MYO7A: variants seen among roughly 807,000 people sequenced by gnomAD.
MYO7A encodes unconventional myosin-VIIa.
Under a neutral mutation model 263.8 loss-of-function variants are expected in MYO7A, and 210 were observed. The observed-to-expected ratio is 0.80, with a 90% CI of 0.71 to 0.89. The LOEUF (loss-of-function observed/expected upper bound fraction) is 0.89. Ranked by LOEUF, MYO7A falls within the 40% of genes least tolerant of loss-of-function variation. MYO7A has a pLI of 0.00. For missense variants in MYO7A, 2,820 were observed against 2,968.3 expected (o/e 0.95, Z 1.16); for synonymous variants, 1,239 against 1,197.3 (o/e 1.03, Z -0.72).
chr11:77,197,497 G>A lies in MYO7A; in HGVS notation c.4340G>A (p.Arg1447Lys), dbSNP rs1203837704. Residue 1447 changes from arginine (R) to lysine (K), a missense_variant, in exon 33 of 49, where the codon AGG becomes AAG. Physicochemically the swap from Arg to Lys is conservative, Grantham distance 26 (BLOSUM62 2). Coordinates refer to ENST00000409709, the MANE Select transcript of MYO7A (RefSeq NM_000260.4). ...AAHKKGIYAQ[R>K]RTDAQKVKED... ...TCCTTCCAGGGGATTTATGCCCAGA[G>A]GAGAACTGATGCCCAGAAGGTCAAA... The A allele has an allele frequency of 1.9e-6, 3 of 1,602,186 alleles. No individual in the cohort carries two copies. Among genetic ancestry groups the A allele is most frequent in the Middle Eastern group, 1.6e-4 (1 of 6,074 alleles).
chr11:77,191,598 G>A (rs180764065), intron 30 of MYO7A, among the ~76,000 whole-genome samples: 68 of 152,314 alleles, frequency 4.5e-4, no homozygotes, highest in Non-Finnish European at 7.9e-4. Flanking sequence ...TGGGCGTCCC[G>A]CAGACTCACC....
chr11:77,212,329 C>T, intron 46 of MYO7A: 2 of 377,528 alleles, frequency 5.3e-6, no homozygotes, highest in Non-Finnish European at 1.0e-5. Flanking sequence ...TGGCAGGGGT[C>T]CCACATAGAC....
intron 25 of MYO7A, 42 bp downstream of exon 25, chr11:77,182,642 G>T (rs762176641): frequency 6.2e-7 from 1 of 1,603,094 alleles, no homozygotes; most frequent in Non-Finnish European, 8.5e-7. Flanking sequence ...CTCCCAGGCC[G>T]ACAAGGAGGG....
At chr11:77,142,904 C>T (rs186507057) in intron 3 of MYO7A, 82 bp downstream of exon 3, 489 of 1,185,930 alleles carry the variant, frequency 4.1e-4, no homozygotes, top group African/African-American at 8.7e-4. Context: ...GGGAGATGAT[C>T]GAAAGGAGAT....
Position 77,138,144 on chromosome 11 carries a change from G to A in MYO7A, c.19-4565G>A, listed in dbSNP as rs1555048359. 6.6e-6 allele frequency among the ~76,000 whole-genome samples: 1 copy of A among 152,122 alleles called. No homozygotes were observed. The highest frequency in any genetic ancestry group is 2.4e-5 in the African/African-American group (1 of 41,446). ...GTTCGGCCGAGACGGAGGGGGCCGG[G>A]GTGGCGCGGGCGCCCCCTCGCCGTC... is the stretch of plus-strand genomic sequence containing the variant. On this transcript the variant is annotated intron_variant, in intron 2 of 48. Coordinates refer to ENST00000409709, the MANE Select transcript of MYO7A (RefSeq NM_000260.4). The surrounding 1 kb of genome is among the most constrained non-coding windows in gnomAD (Gnocchi z 4.9).
chr11:77,194,423 C>A lies in MYO7A; in HGVS notation c.4222C>A (p.Arg1408Ser), dbSNP rs377391891. The A allele has an allele frequency of 6.2e-7, 1 of 1,612,172 alleles. No individual in the cohort carries two copies. The highest frequency in any genetic ancestry group is 8.5e-7 in the Non-Finnish European group (1 of 1,179,182). ...CTATGGCTCTGAGATGATCCTGGAG[C>A]GCCTCCTGAACCTCGTGCCCACCTA... Reference protein sequence around the residue: ...VDYGSEMILERLLNLVPTYIP... With the variant: ...VDYGSEMILESLLNLVPTYIP... Residue 1408 changes from arginine (R) to serine (S), a missense_variant, in exon 32 of 49, where the codon CGC becomes AGC. Physicochemically the swap from Arg to Ser is moderately radical, Grantham distance 110. Transcript: ENST00000409709.
chr11:77,155,817 G>C (rs1434700669), intron 4 of MYO7A, 90 bp from the exon 5 acceptor site: 2 of 1,354,290 alleles, frequency 1.5e-6, no homozygotes, highest in East Asian at 2.5e-5. Context: ...TTCCCTCCAG[G>C]GTGCTGGAGC....
Position 77,181,571 on chromosome 11 carries a change from G to C in MYO7A, c.2886G>C (p.Gln962His), listed in dbSNP as rs200641606. ...GTGGCCTGCCAGGCCAGGAGGGCCA[G>C]GCACCTAGTGGCTTTGAGGTACCAG... ...TSGGLPGQEGQAPSGFEDLER... is the reference protein window; with the variant it reads ...TSGGLPGQEGHAPSGFEDLER... The change falls in exon 23 of 49, where the codon CAG becomes CAC. Residue 962 changes from glutamine to histidine, a missense_variant. By Grantham distance (24) the Gln-to-His change is conservative. Coordinates refer to ENST00000409709, the MANE Select transcript of MYO7A (RefSeq NM_000260.4). The C allele has an allele frequency of 8.9e-4, 1,437 of 1,613,212 alleles. 3 individuals carry two copies. Among genetic ancestry groups the C allele is most frequent in the South Asian group, 2.3e-3 (207 of 91,054 alleles).
chr11:77,155,315 G>A (rs1304983497), intron 4 of MYO7A, among the ~76,000 whole-genome samples: 1 of 152,198 alleles, frequency 6.6e-6, no homozygotes, highest in Non-Finnish European at 1.5e-5. Flanking sequence ...TGCCCAGGAT[G>A]GCTGGAGGTG....
At position 77,181,404 on chromosome 11, in the gene MYO7A, G is replaced by A. The variant is rs782227869; in HGVS notation, c.2719G>A (p.Glu907Lys). Residue 907 changes from glutamate to lysine, a missense_variant, in exon 23 of 49, where the codon GAG becomes AAG. By Grantham distance (56) the Glu-to-Lys change is moderately conservative (BLOSUM62 1). Transcript: ENST00000409709. ...GGAGCGCCTGGCCCAGCTGGCTCGT[G>A]AGGACGCTGAGCGGGAGCTGAAGGA... The part of the protein sequence containing the change: ...HQERLAQLAR[E>K]DAERELKEKE... 18 of 1,577,888 alleles carry A rather than the reference G, an allele frequency of 1.1e-5. No homozygotes were observed. In the African/African-American group the frequency reaches 2.2e-4, roughly 19 times the overall value.
At chr11:77,186,448 C>T (rs1428162035) in intron 27 of MYO7A, among the ~76,000 whole-genome samples, 4 of 152,200 alleles carry the variant, frequency 2.6e-5, no homozygotes, top group African/African-American at 9.7e-5. Flanking sequence ...GTGTAATCAC[C>T]TTCATCAATG....
intron 27 of MYO7A, 27 bp downstream of exon 27, chr11:77,184,742 G>A (rs782767556): frequency 6.5e-5 from 31 of 476,030 alleles, no homozygotes; most frequent in Non-Finnish European, 9.4e-5. Flanking sequence ...GGGGACACCA[G>A]GGCCTGAAAG....
intron 30 of MYO7A, chr11:77,191,177 G>C (rs931341941): frequency 1.8e-5 from 4 of 228,404 alleles, no homozygotes; most frequent in Non-Finnish European, 2.6e-5. Context: ...AAAATTAGTG[G>C]AGCACGGTGG....
At chr11:77,196,593 G>A (rs920792219) in intron 32 of MYO7A, among the ~76,000 whole-genome samples, 11 of 152,148 alleles carry the variant, frequency 7.2e-5, no homozygotes, top group Non-Finnish European at 1.5e-5. Flanking sequence ...GATTCACTGG[G>A]TGATAGCCAC....
chr11:77,154,047 G>A (rs976806945), intron 4 of MYO7A, among the ~76,000 whole-genome samples: 8 of 152,200 alleles, frequency 5.3e-5, no homozygotes, highest in Non-Finnish European at 8.8e-5. Flanking sequence ...CCCAGGAGAT[G>A]GAGGTTGCAG....
At chr11:77,142,261 T>A (rs1951258172) in intron 2 of MYO7A, among the ~76,000 whole-genome samples, 1 of 152,236 alleles carries the variant, frequency 6.6e-6, no homozygotes, top group South Asian at 2.1e-4. Flanking sequence ...CCTGTCATAA[T>A]GATGATAAAA....
At chr11:77,201,384 G>A in intron 35 of MYO7A, 64 bp from the exon 36 acceptor site, 3 of 1,504,786 alleles carry the variant, frequency 2.0e-6, no homozygotes, top group Non-Finnish European at 1.8e-6. Context: ...CAGTTCTTCT[G>A]TGGGAAGATG....
chr11:77,159,487 C>T lies in MYO7A; in HGVS notation c.1044C>T (p.Phe348=), dbSNP rs781896404. The part of the protein sequence containing the change: ...FENLDACEVL[F]SPSLATAASL... ...ACCTGGATGCCTGTGAGGTTCTCTT[C>T]TCCCCATCGCTGGCCACAGCTGCAT... Residue 348 remains phenylalanine, a synonymous_variant, in exon 10 of 49, where the codon TTC becomes TTT. Coordinates refer to ENST00000409709, the MANE Select transcript of MYO7A (RefSeq NM_000260.4). The T allele has an allele frequency of 1.9e-6, 3 of 1,556,040 alleles. 1 individual carries two copies. The South Asian group carries it at 3.3e-5, about 17-fold the overall frequency.
At position 77,147,778 on chromosome 11, in the gene MYO7A, G is replaced by GA; in HGVS notation, c.133-19dup. ...AGCCTGGGCCCCAGGAGAGCACGCTGACGTTCTGGCTCCCCGCAGGAACAC... is the reference window on the plus strand; with the variant it reads ...AGCCTGGGCCCCAGGAGAGCACGCTGAACGTTCTGGCTCCCCGCAGGAACAC... On this transcript the variant is annotated intron_variant, in intron 3 of 48. Coordinates refer to ENST00000409709, the MANE Select transcript of MYO7A (RefSeq NM_000260.4). The GA allele has an allele frequency of 6.2e-7, 1 of 1,607,100 alleles. No homozygotes were observed. Among genetic ancestry groups the GA allele is most frequent in the Non-Finnish European group, 8.5e-7 (1 of 1,177,860 alleles).
Sources: allele counts gnomAD v4.1 joint callset (sites outside exome capture counted in the v4.1 genomes callset), GRCh38; gene constraint gnomAD v4.1.1; non-coding constraint Gnocchi (gnomAD v3.1); transcripts MANE v1.5; gene names NCBI Gene and HGNC (gene_info 2026-07-23, HGNC 2026-07-21).